Variants in TMEFF2 observed in about 807,000 individuals in gnomAD.
TMEFF2 encodes the protein transmembrane protein with EGF like and two follistatin like domains 2.
Under a neutral mutation model 53.8 loss-of-function variants are expected in TMEFF2, and 28 were observed. That is an observed-to-expected ratio of 0.52 (90% CI 0.39 to 0.71). TMEFF2 has a LOEUF of 0.71. Among genes scored for constraint, TMEFF2 ranks in the 30% least tolerant of loss-of-function variants. The pLI is 0.00. For missense variants in TMEFF2, 353 were observed against 455.2 expected, an observed-to-expected ratio of 0.78 and a Z score of 2.04; for synonymous variants, 162 against 166.3, an observed-to-expected ratio of 0.97 and a Z score of 0.20.
At chr2:192,147,318 T>C (rs1381546019) in intron 4 of TMEFF2, among the ~76,000 whole-genome samples, 1 of 150,810 alleles carries the variant, frequency 6.6e-6, no homozygotes, top group Admixed American at 6.6e-5. Context: ...GTTATCTTCC[T>C]TTATGTTTTA....
intron 4 of TMEFF2, among the ~76,000 whole-genome samples, chr2:192,077,977 C>T (rs376564413): frequency 6.6e-6 from 1 of 152,230 alleles, no homozygotes; most frequent in African/African-American, 2.4e-5. Flanking sequence ...GCACTAGAGT[C>T]TGCCATAAAC....
intron 4 of TMEFF2, among the ~76,000 whole-genome samples, chr2:192,132,317 C>A (rs1205750401): frequency 6.6e-6 from 1 of 152,082 alleles, no homozygotes; most frequent in Non-Finnish European, 1.5e-5. Flanking sequence ...TATCCCAAAT[C>A]AGATAGCATT....
rs1421412656 is a variant in TMEFF2 at position 192,191,807 on chromosome 2, T to C, written c.282+73A>G. 1.2e-5 allele frequency: 13 copies of C among 1,085,664 alleles called. No homozygotes were observed. In the South Asian group the frequency reaches 1.7e-4, roughly 14 times the overall value. 67.3% of individuals were successfully genotyped at this position (1,085,664 alleles called of 1,614,324 possible). ...TGCATAGCTATAAATTTCCAAGTGA[T>C]AGGCTGTAAAGGAAGATTCCTGCTT... On this transcript the variant is annotated intron_variant, in intron 2 of 9. Coordinates refer to ENST00000272771, the MANE Select transcript of TMEFF2 (RefSeq NM_016192.4).
intron 5 of TMEFF2, chr2:192,036,017 C>T (rs1183529368): frequency 6.6e-6 from 1 of 152,218 alleles, no homozygotes; most frequent in East Asian, 1.9e-4. Flanking sequence ...GATCAAATGA[C>T]ACAGTAAAAG....
intron 4 of TMEFF2, among the ~76,000 whole-genome samples, chr2:192,127,349 T>C (rs2105972729): frequency 6.6e-6 from 1 of 152,356 alleles, no homozygotes; most frequent in Middle Eastern, 3.4e-3. Context: ...GGCCACGTAA[T>C]TCATTGCTGT....
intron 7 of TMEFF2, among the ~76,000 whole-genome samples, chr2:191,978,569 T>C (rs1457854998): frequency 6.6e-6 from 1 of 152,172 alleles, no homozygotes; most frequent in Non-Finnish European, 1.5e-5. Flanking sequence ...TTAAGCTTAC[T>C]AAAATGTCTT....
chr2:192,164,020 C>T (rs1044671263), intron 4 of TMEFF2, among the ~76,000 whole-genome samples: 1 of 152,184 alleles, frequency 6.6e-6, no homozygotes, highest in South Asian at 2.1e-4. Context: ...GCCTGCTCCA[C>T]TATAATAATC....
At chr2:192,118,724 A>C (rs1689476439) in intron 4 of TMEFF2, among the ~76,000 whole-genome samples, 1 of 152,190 alleles carries the variant, frequency 6.6e-6, no homozygotes, top group African/African-American at 2.4e-5. Flanking sequence ...AGCAGATGTA[A>C]AATGTCCATA....
At position 191,949,917 on chromosome 2, in the gene TMEFF2, T is replaced by C; in HGVS notation, c.*394A>G. 1 of 1,000,548 alleles carries C rather than the reference T, an allele frequency of 1.0e-6. No individual in the cohort carries two copies. Among genetic ancestry groups the C allele is most frequent in the Non-Finnish European group, 1.2e-6 (1 of 839,098 alleles). 62.0% of individuals were successfully genotyped at this position (1,000,548 alleles called of 1,614,324 possible). ...GAGTCCTGTACGAACTAATGTGCTG[T>C]CTCAAGATGAGAAGAAACATGAAAT... On this transcript the variant is annotated 3_prime_UTR_variant, in exon 10 of 10. Coordinates refer to ENST00000272771, the MANE Select transcript of TMEFF2 (RefSeq NM_016192.4).
intron 9 of TMEFF2, among the ~76,000 whole-genome samples, chr2:191,952,980 C>G (rs1691933507): frequency 1.3e-5 from 2 of 152,182 alleles, no homozygotes; most frequent in African/African-American, 4.8e-5. Flanking sequence ...AAATGATACG[C>G]ATTTTGCTTA....
At position 192,184,496 on chromosome 2, in the gene TMEFF2, C is replaced by T; in HGVS notation, c.283-13G>A. On this transcript the variant is annotated splice_polypyrimidine_tract_variant and intron_variant, in intron 2 of 9. Coordinates refer to ENST00000272771, the MANE Select transcript of TMEFF2 (RefSeq NM_016192.4). ...AGTCATTGTTGCACTGGGAAACACA[C>T]AGATGTAAGCCTATAGTTAGTACTG... 6.2e-7 allele frequency: 1 copy of T among 1,612,810 alleles called. No individual in the cohort carries two copies. Among genetic ancestry groups the T allele is most frequent in the Non-Finnish European group, 8.5e-7 (1 of 1,179,226 alleles).
chr2:192,057,823 T>C (rs1687948593), intron 4 of TMEFF2, 48 bp from the exon 5 acceptor site: 4 of 1,405,830 alleles, frequency 2.8e-6, no homozygotes, highest in African/African-American at 1.4e-5. Context: ...TTGTGCATTA[T>C]ATCTACAACT....
At chr2:192,064,570 T>G (rs1446320829) in intron 4 of TMEFF2, among the ~76,000 whole-genome samples, 1 of 151,884 alleles carries the variant, frequency 6.6e-6, no homozygotes, top group Non-Finnish European at 1.5e-5. Context: ...TTTTGGCATA[T>G]GATGCACAGT....
At chr2:192,077,373 A>G (rs1194888040) in intron 4 of TMEFF2, among the ~76,000 whole-genome samples, 7 of 152,176 alleles carry the variant, frequency 4.6e-5, no homozygotes, top group Non-Finnish European at 1.0e-4. Context: ...ATGGAAGTAT[A>G]ATGTATAAAA....
At chr2:192,175,525 T>C (rs1691020066) in intron 4 of TMEFF2, among the ~76,000 whole-genome samples, 1 of 151,528 alleles carries the variant, frequency 6.6e-6, no homozygotes, top group Non-Finnish European at 1.5e-5. Flanking sequence ...CACATAAAAA[T>C]AAGGCTTTTT....
At chr2:191,955,820 G>T (rs1255976014) in intron 8 of TMEFF2, among the ~76,000 whole-genome samples, 1 of 152,040 alleles carries the variant, frequency 6.6e-6, no homozygotes, top group Non-Finnish European at 1.5e-5. Flanking sequence ...ATATTTATGA[G>T]AAGACCTGAA....
intron 4 of TMEFF2, among the ~76,000 whole-genome samples, chr2:192,066,656 A>T (rs898289719): frequency 4.6e-5 from 7 of 151,838 alleles, no homozygotes; most frequent in South Asian, 2.1e-4. Context: ...CAATTCTATT[A>T]TCATCTAAGC....
Position 192,194,920 on chromosome 2 carries a change from G to A in TMEFF2, c.-396C>T, listed in dbSNP as rs948884356. On this transcript the variant is annotated 5_prime_UTR_variant, in exon 1 of 10. Transcript: ENST00000272771. This position sits in a 1 kb window ranked among gnomAD's most constrained non-coding sequence, Gnocchi z 4.2. Reference sequence around the variant, plus strand: ...CGGCAGCCGCCTCTCGAGCTCTGCCGCCCGCATCCCTCTGGCGTTTGGGAA... The same window carrying A: ...CGGCAGCCGCCTCTCGAGCTCTGCCACCCGCATCCCTCTGGCGTTTGGGAA... The A allele has an allele frequency of 4.6e-6, 1 of 215,444 alleles. No homozygotes were observed. Among genetic ancestry groups the A allele is most frequent in the South Asian group, 7.1e-5 (1 of 14,158 alleles). The allele number at this position is 215,444 out of a possible 1,614,324, so 13.3% of individuals were successfully genotyped here. A position where few individuals can be genotyped will look rare whatever the true frequency, so the allele number is the denominator to read the frequency against.
At chr2:192,187,219 A>T (rs536214854) in intron 2 of TMEFF2, among the ~76,000 whole-genome samples, 1 of 152,302 alleles carries the variant, frequency 6.6e-6, no homozygotes, top group South Asian at 2.1e-4. Context: ...ATTAGTTAAC[A>T]ATGAAATATT....
Sources: allele counts gnomAD v4.1 joint callset (sites outside exome capture counted in the v4.1 genomes callset), GRCh38; gene constraint gnomAD v4.1.1; non-coding constraint Gnocchi (gnomAD v3.1); transcripts MANE v1.5; gene names NCBI Gene and HGNC (gene_info 2026-07-23, HGNC 2026-07-21).